The following AUTS2 variants were observed in gnomAD, a reference collection of about 807,000 sequenced individuals.
AUTS2 encodes the protein autism susceptibility gene 2 protein.
Under a neutral mutation model 112.4 loss-of-function variants are expected in AUTS2, and 17 were observed. The observed-to-expected ratio is 0.15, with a 90% CI of 0.10 to 0.23. The LOEUF (loss-of-function observed/expected upper bound fraction) is 0.23. Ranked by LOEUF, AUTS2 falls within the 10% of genes least tolerant of loss-of-function variation. AUTS2 has a pLI of 1.00. For synonymous variants in AUTS2, 751 were observed against 702.7 expected (o/e 1.07, Z -1.09); for missense variants, 1,510 against 1,701.6 (o/e 0.89, Z 1.98).
rs796674872 is a variant in AUTS2, at chr7:70,566,754, T to C, written c.690+130973T>C. On this transcript the variant is annotated intron_variant, in intron 5 of 18. Transcript: ENST00000342771. ...GATATTCTTGAGGAGAAAAAAAGAATGCATGAAACTTATTTAACAAGAAAG... is the reference window on the plus strand; with the variant it reads ...GATATTCTTGAGGAGAAAAAAAGAACGCATGAAACTTATTTAACAAGAAAG... Among the ~76,000 whole-genome samples the C allele has an allele frequency of 3.3e-5, 5 of 152,332 alleles. 1 individual carries two copies. The highest frequency in any genetic ancestry group is 1.2e-4 in the African/African-American group (5 of 41,598).
intron 5 of AUTS2, among the ~76,000 whole-genome samples, chr7:70,668,209 C>A (rs1334286938): frequency 4.6e-5 from 7 of 152,194 alleles, no homozygotes; most frequent in Non-Finnish European, 4.4e-5. Context: ...GAACTCCGGA[C>A]CTCAGATGAT....
At chr7:70,404,392 C>G (rs986954565) in intron 4 of AUTS2, among the ~76,000 whole-genome samples, 2 of 152,222 alleles carry the variant, frequency 1.3e-5, no homozygotes, top group African/African-American at 4.8e-5. Context: ...AAAATGCTCA[C>G]ATTTTCTTAG....
chr7:70,752,455 G>T (rs1468048923), intron 6 of AUTS2, among the ~76,000 whole-genome samples: 1 of 152,180 alleles, frequency 6.6e-6, no homozygotes, highest in East Asian at 1.9e-4. Flanking sequence ...GTGGGAACGT[G>T]TTATAGATAT....
At chr7:70,417,302 T>C (rs1402076939) in intron 4 of AUTS2, among the ~76,000 whole-genome samples, 3 of 152,208 alleles carry the variant, frequency 2.0e-5, no homozygotes, top group African/African-American at 7.2e-5. Context: ...GCAATGTGAC[T>C]ATTCGCATCA....
intron 4 of AUTS2, among the ~76,000 whole-genome samples, chr7:70,418,791 T>C (rs1389031019): frequency 6.6e-6 from 1 of 151,802 alleles, no homozygotes; most frequent in East Asian, 1.9e-4. Context: ...AAGATGAAAA[T>C]AAAAGTGACC....
intron 1 of AUTS2, among the ~76,000 whole-genome samples, chr7:69,760,153 C>T (rs1332551752): frequency 6.8e-6 from 1 of 146,394 alleles, no homozygotes; most frequent in Non-Finnish European, 1.5e-5. Context: ...CCAGAACTTA[C>T]TGAGTTTAAT....
At chr7:70,248,768 A>T (rs2129603447) in intron 4 of AUTS2, among the ~76,000 whole-genome samples, 1 of 152,312 alleles carries the variant, frequency 6.6e-6, no homozygotes, top group East Asian at 1.9e-4. Flanking sequence ...AACATTTCAA[A>T]GTCTAAAGTT....
intron 5 of AUTS2, among the ~76,000 whole-genome samples, chr7:70,613,138 G>A (rs1804181345): frequency 6.6e-6 from 1 of 152,086 alleles, no homozygotes; most frequent in Non-Finnish European, 1.5e-5. Context: ...GCCAGAGGCA[G>A]TGATTAAAGC....
At chr7:70,254,351 A>G (rs1786749173) in intron 4 of AUTS2, among the ~76,000 whole-genome samples, 1 of 152,208 alleles carries the variant, frequency 6.6e-6, no homozygotes, top group African/African-American at 2.4e-5. Flanking sequence ...TTTCAAACAT[A>G]GATTATATTA....
intron 1 of AUTS2, among the ~76,000 whole-genome samples, chr7:69,630,475 G>A (rs751980417): frequency 6.6e-5 from 10 of 152,196 alleles, no homozygotes; most frequent in South Asian, 4.2e-4. Context: ...ACGAGTAAAC[G>A]TCTGGTTGTG....
At chr7:70,311,578 T>G (rs1047321443) in intron 4 of AUTS2, among the ~76,000 whole-genome samples, 1 of 152,182 alleles carries the variant, frequency 6.6e-6, no homozygotes, top group Non-Finnish European at 1.5e-5. Flanking sequence ...TTGTTTTTTG[T>G]TACAGTCTCG....
In AUTS2 at chr7:70,082,072, C is replaced by G. The variant is rs937615727; in HGVS notation, c.523-36060C>G. Among the ~76,000 whole-genome samples, 21 of 151,710 alleles carry G rather than the reference C, an allele frequency of 1.4e-4. 1 individual carries two copies. Among genetic ancestry groups the G allele is most frequent in the African/African-American group, 4.8e-4 (20 of 41,272 alleles). The stretch of plus-strand genomic sequence containing the variant: ...TCTGGTTCTGTGTTGTGTGTTTTCT[C>G]TGTGTGTGTTTGAAAGGGGACATAT... On this transcript the variant is annotated intron_variant, in intron 2 of 18. Coordinates refer to ENST00000342771, the MANE Select transcript of AUTS2 (RefSeq NM_015570.4).
At chr7:70,312,882 C>CCACA (rs1789824064) in intron 4 of AUTS2, among the ~76,000 whole-genome samples, 1 of 152,158 alleles carries the variant, frequency 6.6e-6, no homozygotes, top group Non-Finnish European at 1.5e-5. Flanking sequence ...TAGCTAATGT[C>CCACA]TTGAACAGTG....
intron 2 of AUTS2, among the ~76,000 whole-genome samples, chr7:69,938,623 G>A (rs568005207): frequency 8.5e-5 from 13 of 152,254 alleles, no homozygotes; most frequent in East Asian, 3.9e-4. Context: ...ATAGAGGGTC[G>A]GTGTTACAGG....
At chr7:69,954,250 T>C (rs1333422185) in intron 2 of AUTS2, among the ~76,000 whole-genome samples, 1 of 152,164 alleles carries the variant, frequency 6.6e-6, no homozygotes, top group Non-Finnish European at 1.5e-5. Context: ...TGACTATAGT[T>C]AACAATATTA....
chr7:69,873,570 A>C (rs1379737367), intron 1 of AUTS2, among the ~76,000 whole-genome samples: 1 of 152,156 alleles, frequency 6.6e-6, no homozygotes, highest in Non-Finnish European at 1.5e-5. Flanking sequence ...GCACTTGGCC[A>C]GTCAATGTGA....
At chr7:69,702,886 A>G (rs1797881466) in intron 1 of AUTS2, among the ~76,000 whole-genome samples, 1 of 152,174 alleles carries the variant, frequency 6.6e-6, no homozygotes, top group Non-Finnish European at 1.5e-5. Context: ...CCATTCACCA[A>G]ACATTTATTG....
At chr7:69,602,025 T>C (rs1478048007) in intron 1 of AUTS2, among the ~76,000 whole-genome samples, 1 of 8,556 alleles carries the variant, frequency 1.2e-4, no homozygotes, top group African/African-American at 5.0e-4. Context: ...TGTGTGTATA[T>C]ATATATATAT....
In AUTS2 at chr7:69,892,168, G is replaced by T. The variant is rs562795138; in HGVS notation, c.310-7118G>T. 6.6e-3 allele frequency among the ~76,000 whole-genome samples: 851 copies of T among 129,662 alleles called. 2 individuals carry two copies. The highest frequency in any genetic ancestry group is 0.011 in the Non-Finnish European group (675 of 61,816). The allele number at this position is 129,662 out of a possible 152,430, so 85.1% of individuals were successfully genotyped here. A position where few individuals can be genotyped will look rare whatever the true frequency, so the allele number is the denominator to read the frequency against. On this transcript the variant is annotated intron_variant, in intron 1 of 18. Coordinates refer to ENST00000342771, the MANE Select transcript of AUTS2 (RefSeq NM_015570.4). ...GGGTTGTTTCCTTTTTTAGTTTTGA[G>T]AATTTTTTTTTTTTTTTTTTTTAAG...
Sources: allele counts gnomAD v4.1 joint callset (sites outside exome capture counted in the v4.1 genomes callset), GRCh38; gene constraint gnomAD v4.1.1; transcripts MANE v1.5; gene names NCBI Gene and HGNC (gene_info 2026-07-23, HGNC 2026-07-21).